BLTP1: variants seen among roughly 807,000 people sequenced by gnomAD.
BLTP1 encodes the protein bridge-like lipid transfer protein family member 1.
the BLTP1 span, among the ~76,000 whole-genome samples, chr4:122,156,926 G>A: frequency 6.6e-6 from 1 of 152,156 alleles, no homozygotes; most frequent in South Asian, 2.1e-4. Flanking sequence ...AAATTTGTAG[G>A]AGGCAGGATA....
chr4:122,207,514 C>CTTTTTTTATTTTTTTTT, the BLTP1 span: 1 of 1,285,990 alleles, frequency 7.8e-7, no homozygotes, highest in Non-Finnish European at 1.0e-6. Context: ...ACTTTTTCTT[C>CTTTTTTTATTTTTTTTT]TTTTTTTTTT....
chr4:122,328,334 G>A, the BLTP1 span: 7 of 1,609,244 alleles, frequency 4.3e-6, no homozygotes, highest in African/African-American at 5.4e-5. Context: ...AGAGGGAAAG[G>A]TTTTATATTT....
At chr4:122,323,201 GTATTTACTGGTCTCTTTCTC>G in the BLTP1 span, among the ~76,000 whole-genome samples, 1 of 151,502 alleles carries the variant, frequency 6.6e-6, no homozygotes, top group Admixed American at 6.6e-5. Context: ...GTAACTCACT[GTATTTACTGGTCTCTTTCTC>G]CAATGTGAGG....
chr4:122,318,975 G>C, the BLTP1 span, among the ~76,000 whole-genome samples: 39 of 152,206 alleles, frequency 2.6e-4, no homozygotes, highest in Admixed American at 1.4e-3. Context: ...ATGTTTCAAG[G>C]AATCGGTCTA....
the BLTP1 span, chr4:122,182,659 G>T: frequency 3.0e-6 from 3 of 985,366 alleles, no homozygotes; most frequent in Non-Finnish European, 3.6e-6. Flanking sequence ...GAACTTTATT[G>T]TCAAACCATG....
chr4:122,177,760 A>G, the BLTP1 span, among the ~76,000 whole-genome samples: 1 of 152,120 alleles, frequency 6.6e-6, no homozygotes, highest in African/African-American at 2.4e-5. Flanking sequence ...CTGGTTAACT[A>G]TCCTCTATCA....
chr4:122,359,231 A>C, the BLTP1 span: 2 of 651,160 alleles, frequency 3.1e-6, no homozygotes, highest in Non-Finnish European at 3.8e-6. Flanking sequence ...AAAACTTAAA[A>C]GTATAATAAT....
chr4:122,175,816 C>T, the BLTP1 span: 2 of 1,450,882 alleles, frequency 1.4e-6, no homozygotes, highest in South Asian at 2.4e-5. Context: ...TAAATTGTTA[C>T]TTAAATTCTA....
the BLTP1 span, chr4:122,336,749 T>G: frequency 7.8e-7 from 1 of 1,275,238 alleles, no homozygotes; most frequent in Non-Finnish European, 1.0e-6. Context: ...ACGTATAGAA[T>G]GAAGGGCTAC....
the BLTP1 span, chr4:122,269,715 C>T: frequency 3.1e-6 from 3 of 982,070 alleles, no homozygotes; most frequent in Non-Finnish European, 3.6e-6. Flanking sequence ...ATGTATAACT[C>T]TCCTACTACT....
the BLTP1 span, chr4:122,215,535 G>T: frequency 1.0e-6 from 1 of 985,372 alleles, no homozygotes; most frequent in Non-Finnish European, 1.2e-6. Context: ...TTTACAGATG[G>T]AAGTATCAAA....
the BLTP1 span, among the ~76,000 whole-genome samples, chr4:122,296,161 T>G: frequency 6.6e-6 from 1 of 152,182 alleles, no homozygotes; most frequent in Non-Finnish European, 1.5e-5. Flanking sequence ...GATGATAGGA[T>G]CCTATATTTG....
chr4:122,187,399 T>C, the BLTP1 span: 1 of 1,608,476 alleles, frequency 6.2e-7, no homozygotes, highest in Admixed American at 1.7e-5. Context: ...TAAGGTTTTC[T>C]TATTCATGTC....
At chr4:122,238,791 C>A in the BLTP1 span, among the ~76,000 whole-genome samples, 13 of 152,284 alleles carry the variant, frequency 8.5e-5, no homozygotes, top group Non-Finnish European at 1.8e-4. Context: ...ATTGTCCTGT[C>A]CTCCATTTCT....
the BLTP1 span, chr4:122,257,389 T>G: frequency 6.2e-7 from 1 of 1,614,050 alleles, no homozygotes; most frequent in Non-Finnish European, 8.5e-7. Flanking sequence ...CTCTGAAACC[T>G]CAAATAGCTA....
the BLTP1 span, chr4:122,281,548 A>G: frequency 1.3e-6 from 2 of 1,593,838 alleles, no homozygotes; most frequent in South Asian, 1.2e-5. Flanking sequence ...CACAGCCTGT[A>G]AAAGAAGATA....
the BLTP1 span, chr4:122,207,701 C>A: frequency 7.6e-7 from 1 of 1,314,372 alleles, no homozygotes; most frequent in Non-Finnish European, 1.1e-6. Context: ...TTTCCCAAAG[C>A]TTATCTTCAC....
the BLTP1 span, chr4:122,349,673 T>A: frequency 6.3e-7 from 1 of 1,579,672 alleles, no homozygotes; most frequent in Non-Finnish European, 8.6e-7. The surrounding 1 kb of genome is among the most constrained non-coding windows in gnomAD (Gnocchi z 4.5). Context: ...TTTGGACACT[T>A]TACATGACTG....
chr4:122,245,676 T>C, the BLTP1 span, among the ~76,000 whole-genome samples: 1 of 152,294 alleles, frequency 6.6e-6, no homozygotes, highest in Non-Finnish European at 1.5e-5. Context: ...TTTTCAAATT[T>C]ATCTGGATTA....
Sources: allele counts gnomAD v4.1 joint callset (sites outside exome capture counted in the v4.1 genomes callset), GRCh38; gene constraint gnomAD v4.1.1; non-coding constraint Gnocchi (gnomAD v3.1); transcripts MANE v1.5; gene names NCBI Gene and HGNC (gene_info 2026-07-23, HGNC 2026-07-21).